OS9: variants seen among roughly 807,000 people sequenced by gnomAD.
OS9 encodes protein OS-9.
OS9 carries 58 observed loss-of-function variants against 84.7 expected under a neutral mutation model. That is an observed-to-expected ratio of 0.68 (90% CI 0.55 to 0.85). The LOEUF is 0.85. Among genes scored for constraint, OS9 ranks in the 40% least tolerant of loss-of-function variants. OS9 has a pLI of 0.00. For synonymous variants in OS9, 278 were observed against 320.8 expected (o/e 0.87, Z 1.43); for missense variants, 760 against 850.9 (o/e 0.89, Z 1.33).
rs1386262335 is a variant in OS9, at chr12:57,694,204, C to G, written c.43C>G (p.Leu15Val). The stretch of plus-strand genomic sequence containing the variant: ...GCTGTCCAGTTTGTTAGGACTGCTG[C>G]TTCTGGGACTCCTGTTACCCGCAAG... ...TLLSSLLGLL[L>V]LGLLLPASLT... Residue 15 changes from leucine to valine, a missense_variant, in exon 1 of 15, where the codon CTT becomes GTT. Leu to Val is a conservative substitution (Grantham distance 32). Transcript: ENST00000315970. 1.9e-6 allele frequency: 3 copies of G among 1,614,182 alleles called. No homozygotes were observed. Among genetic ancestry groups the G allele is most frequent in the Non-Finnish European group, 8.5e-7 (1 of 1,180,026 alleles).
chr12:57,712,834 A>G (rs1954371385), intron 5 of OS9, among the ~76,000 whole-genome samples: 1 of 151,700 alleles, frequency 6.6e-6, no homozygotes, highest in South Asian at 2.1e-4. Flanking sequence ...CCCTGCACAC[A>G]GCCACACTAG....
intron 3 of OS9, 35 bp downstream of exon 3, chr12:57,695,878 T>A: frequency 6.3e-7 from 1 of 1,579,482 alleles, no homozygotes; most frequent in Non-Finnish European, 8.7e-7. Flanking sequence ...AAGCCCTTAG[T>A]GTCATATCAT....
chr12:57,720,769 A>G lies in OS9; in HGVS notation c.1879-15A>G. On this transcript the variant is annotated splice_polypyrimidine_tract_variant and intron_variant, in intron 14 of 14. Coordinates refer to ENST00000315970, the MANE Select transcript of OS9 (RefSeq NM_006812.4). ...CGGCCAGTAGCTCCAGCCCACCTCT[A>G]CCCTCTCCCACCAGGTGCCGGGAGC... The G allele has an allele frequency of 6.3e-7, 1 of 1,593,562 alleles. No homozygotes were observed. The highest frequency in any genetic ancestry group is 1.3e-5 in the African/African-American group (1 of 74,656).
chr12:57,720,590 C>T (rs1954651504), intron 14 of OS9, 72 bp downstream of exon 14: 4 of 1,325,120 alleles, frequency 3.0e-6, no homozygotes, highest in Non-Finnish European at 4.3e-6. Flanking sequence ...GCCCCAGCCA[C>T]GCCATTGCTG....
chr12:57,696,818 A>G (rs896636618), intron 5 of OS9, among the ~76,000 whole-genome samples: 1 of 149,256 alleles, frequency 6.7e-6, no homozygotes, highest in African/African-American at 2.5e-5. Context: ...AAAAAAAAAA[A>G]CCCACATTAT....
intron 7 of OS9, 103 bp downstream of exon 7, chr12:57,716,296 GT>G: frequency 1.0e-6 from 1 of 959,340 alleles, no homozygotes. Context: ...GGGTGGAAAA[GT>G]ACCATGGGCC....
chr12:57,715,425 C>A (rs1165829870), intron 5 of OS9, among the ~76,000 whole-genome samples: 2 of 151,954 alleles, frequency 1.3e-5, no homozygotes, highest in African/African-American at 4.8e-5. Flanking sequence ...TATACACACA[C>A]ACAATATTTA....
chr12:57,694,559 C>A, intron 1 of OS9, 191 bp from the exon 2 acceptor site: 1 of 703,140 alleles, frequency 1.4e-6, no homozygotes, highest in East Asian at 2.7e-5. Flanking sequence ...ATGATCGAAA[C>A]ACCCGGACTC....
chr12:57,704,642 A>C (rs10783844), intron 5 of OS9, among the ~76,000 whole-genome samples: 86,880 of 152,026 alleles, frequency 0.57, 25,737 homozygotes, highest in Middle Eastern at 0.69. Context: ...AAGTTAGGAA[A>C]GCATTCTTTA....
In OS9 at chr12:57,711,338, CTTTTTTTT is replaced by C. The variant is rs34817746; in HGVS notation, c.580-4403_580-4396del. 1.4e-4 allele frequency among the ~76,000 whole-genome samples: 9 copies of C among 63,538 alleles called. 1 individual carries two copies. In the South Asian group the frequency reaches 5.4e-3, roughly 38 times the overall value. The allele number at this position is 63,538 out of a possible 152,430, so 41.7% of individuals were successfully genotyped here. ...GAGAGATCTTTCAATGGCAGTATATCTTTTTTTTTTTTTTTTTTTTTTTTTTGAGACGG... is the reference window on the plus strand; with the variant it reads ...GAGAGATCTTTCAATGGCAGTATATCTTTTTTTTTTTTTTTTTTGAGACGG... On this transcript the variant is annotated intron_variant, in intron 5 of 14. Transcript: ENST00000315970.
rs902973653 is a variant in OS9 at position 57,696,460 on chromosome 12, G to T, written c.579+87G>T. ...GGGTTGCATCTTATAGTCGGGGCGG[G>T]GGCGGGGGGGGTCCCCTCCCAGACC... On this transcript the variant is annotated intron_variant, in intron 5 of 14. Transcript: ENST00000315970. 25 of 286,654 alleles carry T rather than the reference G, an allele frequency of 8.7e-5. 5 individuals are homozygous for T. The highest frequency in any genetic ancestry group is 1.8e-4 in the Admixed American group (3 of 16,224). The allele number at this position is 286,654 out of a possible 1,614,324, so 17.8% of individuals were successfully genotyped here.
intron 8 of OS9, 54 bp from the exon 9 acceptor site, chr12:57,716,639 A>G (rs1339968042): frequency 1.3e-6 from 2 of 1,569,194 alleles, no homozygotes; most frequent in Non-Finnish European, 1.8e-6. Flanking sequence ...CCTTCATAGT[A>G]TGGAGGGCAT....
At chr12:57,701,272 T>A (rs1232414196) in intron 5 of OS9, among the ~76,000 whole-genome samples, 1 of 132,392 alleles carries the variant, frequency 7.6e-6, no homozygotes, top group Non-Finnish European at 1.6e-5. Flanking sequence ...ATTTTTTTTT[T>A]TTTTTTTTTT....
At chr12:57,718,508 C>A in intron 11 of OS9, 87 bp downstream of exon 11, 1 of 1,433,210 alleles carries the variant, frequency 7.0e-7, no homozygotes, top group Non-Finnish European at 9.5e-7. Context: ...AAACAGAGGG[C>A]ACAGCACAGG....
At chr12:57,718,686 C>T (rs935396845) in intron 11 of OS9, among the ~76,000 whole-genome samples, 1 of 152,184 alleles carries the variant, frequency 6.6e-6, no homozygotes, top group African/African-American at 2.4e-5. Context: ...GAGCGGATCA[C>T]CTGAGGTCAG....
At chr12:57,711,038 C>CAAAA (rs35365273) in intron 5 of OS9, among the ~76,000 whole-genome samples, 10 of 71,900 alleles carry the variant, frequency 1.4e-4, no homozygotes, top group East Asian at 4.4e-4. Flanking sequence ...GACTCCGTCT[C>CAAAA]AAAAAAAAAA....
In OS9 at chr12:57,718,978, T is replaced by G; in HGVS notation, c.1411-15T>G. On this transcript the variant is annotated splice_polypyrimidine_tract_variant and intron_variant, in intron 11 of 14. Transcript: ENST00000315970. ...CCCAGACCCTTGACTCACTCTCTTC[T>G]CTTGGGTATTCCAGACAGAGAAAGA... 2 of 1,608,236 alleles carry G rather than the reference T, an allele frequency of 1.2e-6. No individual in the cohort carries two copies. The highest frequency in any genetic ancestry group is 1.7e-6 in the Non-Finnish European group (2 of 1,176,288).
At chr12:57,696,123 G>T in intron 4 of OS9, 85 bp downstream of exon 4, 1 of 1,273,166 alleles carries the variant, frequency 7.9e-7, no homozygotes, top group Non-Finnish European at 1.1e-6. Flanking sequence ...AAGATTAGCT[G>T]ATCTGTTTCT....
intron 5 of OS9, among the ~76,000 whole-genome samples, chr12:57,697,926 C>CGGAACCTAACATAAGCAA (rs1953908437): frequency 3.8e-5 from 3 of 79,234 alleles, no homozygotes; most frequent in African/African-American, 1.4e-4. Context: ...CACACACATA[C>CGGAACCTAACATAAGCAA]ACACACACAC....
Sources: allele counts gnomAD v4.1 joint callset (sites outside exome capture counted in the v4.1 genomes callset), GRCh38; gene constraint gnomAD v4.1.1; transcripts MANE v1.5; gene names NCBI Gene and HGNC (gene_info 2026-07-23, HGNC 2026-07-21).